DNAJC13: variants seen among roughly 807,000 people sequenced by gnomAD.
DNAJC13 encodes DnaJ heat shock protein family (Hsp40) member C13.
A neutral mutation model predicts 290.5 loss-of-function variants in DNAJC13; 75 were observed. The ratio of observed to expected loss-of-function variants is 0.26; its 90% CI spans 0.21 to 0.31. The LOEUF is 0.31. Among genes scored for constraint, DNAJC13 ranks in the 10% least tolerant of loss-of-function variants. The pLI is 1.00. For missense variants in DNAJC13, 2,260 were observed against 2,674.5 expected (o/e 0.85, Z 3.42); for synonymous variants, 862 against 892.0 (o/e 0.97, Z 0.60).
At chr3:132,448,888 A>G (rs1247538725) in intron 5 of DNAJC13, among the ~76,000 whole-genome samples, 1 of 152,146 alleles carries the variant, frequency 6.6e-6, no homozygotes, top group African/African-American at 2.4e-5. Flanking sequence ...ATTTTTATAA[A>G]TCATAACTTG....
chr3:132,506,921 G>A (rs1935611802), intron 42 of DNAJC13, among the ~76,000 whole-genome samples: 1 of 152,042 alleles, frequency 6.6e-6, no homozygotes, highest in South Asian at 2.1e-4. Flanking sequence ...GTCTTACTAG[G>A]TCTGATGTCT....
chr3:132,465,224 CAT>C (rs755134717), intron 17 of DNAJC13, among the ~76,000 whole-genome samples: 2 of 152,042 alleles, frequency 1.3e-5, no homozygotes, highest in African/African-American at 4.8e-5. Context: ...ATATATAAAA[CAT>C]ATGTTTGTGG....
intron 20 of DNAJC13, chr3:132,472,569 A>G: frequency 1.0e-6 from 1 of 985,424 alleles, no homozygotes; most frequent in Non-Finnish European, 1.2e-6. Flanking sequence ...CAAAAACAAT[A>G]TGGTGAGTGT....
intron 20 of DNAJC13, among the ~76,000 whole-genome samples, chr3:132,471,292 G>T (rs1283637645): frequency 7.0e-6 from 1 of 143,468 alleles, no homozygotes; most frequent in African/African-American, 2.6e-5. Context: ...CGGTCGGGGG[G>T]GCTGACCCCC....
intron 54 of DNAJC13, among the ~76,000 whole-genome samples, chr3:132,529,177 G>A (rs570023481): frequency 1.4e-4 from 21 of 152,000 alleles, no homozygotes; most frequent in Non-Finnish European, 2.2e-4. Context: ...CCTCTTCTGC[G>A]TATTTCATAT....
chr3:132,483,670 A>G (rs904630802), intron 28 of DNAJC13, 93 bp downstream of exon 28: 3 of 1,272,692 alleles, frequency 2.4e-6, no homozygotes, highest in Non-Finnish European at 2.3e-6. Context: ...AAGATGTCCT[A>G]TTTATGGCCT....
At chr3:132,446,382 A>G (rs555223620) in intron 2 of DNAJC13, 93 bp from the exon 3 acceptor site, 8 of 783,290 alleles carry the variant, frequency 1.0e-5, no homozygotes, top group African/African-American at 5.3e-5. Context: ...ACACATTTCT[A>G]TGTATTGAAC....
intron 38 of DNAJC13, 120 bp from the exon 39 acceptor site, chr3:132,500,674 G>A: frequency 7.6e-7 from 1 of 1,311,082 alleles, no homozygotes; most frequent in Non-Finnish European, 1.0e-6. Context: ...TTTAATTTTG[G>A]AACATTGTAT....
chr3:132,485,262 C>T (rs80180377), intron 29 of DNAJC13, among the ~76,000 whole-genome samples: 13 of 152,198 alleles, frequency 8.5e-5, no homozygotes, highest in Non-Finnish European at 1.3e-4. Context: ...CTCAGCCTCC[C>T]GAGTAGCTGG....
At chr3:132,427,216 G>C (rs1414749300) in intron 1 of DNAJC13, among the ~76,000 whole-genome samples, 1 of 150,588 alleles carries the variant, frequency 6.6e-6, no homozygotes, top group African/African-American at 2.4e-5. Flanking sequence ...GCTCACTGCA[G>C]CCTCAGCCTC....
chr3:132,440,601 C>A (rs146070768), intron 2 of DNAJC13, among the ~76,000 whole-genome samples: 20 of 152,266 alleles, frequency 1.3e-4, no homozygotes, highest in Admixed American at 9.8e-4. Flanking sequence ...GGTACAGTAA[C>A]GTTGTACACT....
intron 5 of DNAJC13, among the ~76,000 whole-genome samples, chr3:132,449,741 C>A (rs972235584): frequency 6.6e-6 from 1 of 152,132 alleles, no homozygotes; most frequent in African/African-American, 2.4e-5. Context: ...TACTCCAGAG[C>A]AACCAATTGA....
chr3:132,424,281 A>G (rs548844937), intron 1 of DNAJC13, among the ~76,000 whole-genome samples: 3 of 152,274 alleles, frequency 2.0e-5, no homozygotes, highest in Admixed American at 2.0e-4. Flanking sequence ...AACAACAGAT[A>G]AACTTCTGTT....
intron 2 of DNAJC13, among the ~76,000 whole-genome samples, chr3:132,445,519 A>G (rs1040712523): frequency 2.0e-5 from 3 of 152,086 alleles, no homozygotes; most frequent in African/African-American, 7.2e-5. Context: ...TTTAAGGAGC[A>G]TGGGAGTTAC....
chr3:132,443,215 T>C (rs1432263255), intron 2 of DNAJC13, among the ~76,000 whole-genome samples: 1 of 152,220 alleles, frequency 6.6e-6, no homozygotes, highest in Non-Finnish European at 1.5e-5. Context: ...TACAGTGGTA[T>C]GATCTTGGCT....
intron 52 of DNAJC13, 125 bp downstream of exon 52, chr3:132,525,914 AC>A: frequency 8.0e-7 from 1 of 1,246,814 alleles, no homozygotes; most frequent in Non-Finnish European, 1.1e-6. Context: ...CATACGAACC[AC>A]ATGGTATTTT....
intron 11 of DNAJC13, 41 bp from the exon 12 acceptor site, chr3:132,456,622 T>A: frequency 6.2e-7 from 1 of 1,613,226 alleles, no homozygotes; most frequent in Non-Finnish European, 8.5e-7. Context: ...TTACTAACTT[T>A]TGGTATGGAA....
intron 29 of DNAJC13, 47 bp from the exon 30 acceptor site, chr3:132,488,251 A>G (rs761339136): frequency 1.3e-6 from 2 of 1,518,544 alleles, no homozygotes; most frequent in South Asian, 2.6e-5. Flanking sequence ...TAAAGTGATG[A>G]TGCAGGTTTT....
In DNAJC13 at chr3:132,507,382, A is replaced by G. The variant is rs201561240; in HGVS notation, c.5115+29A>G. 1.2e-3 allele frequency: 1,478 copies of G among 1,241,422 alleles called. 17 individuals are homozygous for G. The highest frequency in any genetic ancestry group is 2.3e-3 in the Middle Eastern group (12 of 5,300). The allele number at this position is 1,241,422 out of a possible 1,614,324, so 76.9% of individuals were successfully genotyped here. A position where few individuals can be genotyped will look rare whatever the true frequency, so the allele number is the denominator to read the frequency against. On this transcript the variant is annotated intron_variant, in intron 43 of 55. Transcript: ENST00000260818. Reference sequence around the variant, plus strand: ...AGCTCTCTGCTTTTAATTTTACCTGATACCTTTGATCATTTGTTACTGAAA... The same window carrying G: ...AGCTCTCTGCTTTTAATTTTACCTGGTACCTTTGATCATTTGTTACTGAAA...
Sources: allele counts gnomAD v4.1 joint callset (sites outside exome capture counted in the v4.1 genomes callset), GRCh38; gene constraint gnomAD v4.1.1; transcripts MANE v1.5; gene names NCBI Gene and HGNC (gene_info 2026-07-23, HGNC 2026-07-21).